Variants in SLC25A21 observed in about 807,000 individuals in gnomAD.
SLC25A21 encodes the protein solute carrier family 25 member 21.
SLC25A21 carries 47 observed loss-of-function variants against 43.8 expected under a neutral mutation model. The ratio of observed to expected loss-of-function variants is 1.07; its 90% CI spans 0.85 to 1.37. SLC25A21 has a LOEUF of 1.37. SLC25A21 is among the 40% of genes most tolerant of loss of function. The pLI is 0.00. For synonymous variants in SLC25A21, 131 were observed against 121.3 expected (o/e 1.08, Z -0.52); for missense variants, 352 against 350.2 (o/e 1.00, Z -0.04).
intron 2 of SLC25A21, among the ~76,000 whole-genome samples, chr14:36,846,710 T>C (rs1419391668): frequency 2.0e-5 from 3 of 152,204 alleles, no homozygotes; most frequent in African/African-American, 7.2e-5. Context: ...AATTTACATA[T>C]CTGTCCATCC....
Position 36,753,919 on chromosome 14 carries a change from C to CAGAGAGAGAGAGAGAGAGAGAGAGAG in SLC25A21, c.204-19372_204-19347dup, listed in dbSNP as rs56871881. ...CTTGAGATGGCTCTCTCACTGGGGA[C>CAGAGAGAGAGAGAGAGAGAGAGAGAG]AGAGAGAGAGAGAGAGAGAGAGAGA... On this transcript the variant is annotated intron_variant, in intron 3 of 9. Transcript: ENST00000331299. 6.2e-4 allele frequency among the ~76,000 whole-genome samples: 80 copies of CAGAGAGAGAGAGAGAGAGAGAGAGAG among 130,078 alleles called. 1 individual carries two copies. Among genetic ancestry groups the CAGAGAGAGAGAGAGAGAGAGAGAGAG allele is most frequent in the South Asian group, 2.1e-3 (7 of 3,372 alleles). 85.3% of individuals were successfully genotyped at this position (130,078 alleles called of 152,430 possible).
intron 1 of SLC25A21, among the ~76,000 whole-genome samples, chr14:37,119,717 C>A (rs975983868): frequency 7.2e-5 from 11 of 152,298 alleles, no homozygotes; most frequent in East Asian, 1.9e-4. Context: ...GCCCCAAATT[C>A]TTTCTTGTGT....
intron 2 of SLC25A21, among the ~76,000 whole-genome samples, chr14:36,873,162 C>T (rs78082478): frequency 0.017 from 2,630 of 152,202 alleles, 82 homozygotes; most frequent in African/African-American, 0.061. Flanking sequence ...AGAAGGTTAA[C>T]ATGGAATCTA....
chr14:36,841,091 G>A (rs1889370024), intron 2 of SLC25A21, among the ~76,000 whole-genome samples: 1 of 152,144 alleles, frequency 6.6e-6, no homozygotes, highest in Non-Finnish European at 1.5e-5. Context: ...AACCCAGATA[G>A]CCTTGAGTTT....
At chr14:36,771,319 C>A (rs989857069) in intron 3 of SLC25A21, among the ~76,000 whole-genome samples, 2 of 152,022 alleles carry the variant, frequency 1.3e-5, no homozygotes, top group African/African-American at 4.8e-5. Context: ...CTGATTTAAT[C>A]GTATTTTTGC....
chr14:36,901,367 C>G (rs1185413221), intron 1 of SLC25A21, among the ~76,000 whole-genome samples: 1 of 152,042 alleles, frequency 6.6e-6, no homozygotes, highest in African/African-American at 2.4e-5. Flanking sequence ...TTAGTAATCT[C>G]ATAGTCATAT....
intron 1 of SLC25A21, among the ~76,000 whole-genome samples, chr14:37,107,880 T>C (rs555684249): frequency 2.6e-5 from 4 of 152,264 alleles, no homozygotes; most frequent in African/African-American, 9.6e-5. Context: ...TGGGTCCTAG[T>C]AAAAATGACA....
intron 1 of SLC25A21, among the ~76,000 whole-genome samples, chr14:36,882,764 A>G (rs1440150050): frequency 1.3e-5 from 2 of 151,162 alleles, no homozygotes; most frequent in Non-Finnish European, 2.9e-5. Flanking sequence ...CCTGTTTGAC[A>G]TCTCTGCCTG....
chr14:36,703,450 G>A (rs542552641), intron 7 of SLC25A21, among the ~76,000 whole-genome samples: 1 of 152,186 alleles, frequency 6.6e-6, no homozygotes, highest in African/African-American at 2.4e-5. Flanking sequence ...ATGACCACAG[G>A]GACAGGTCTA....
intron 1 of SLC25A21, among the ~76,000 whole-genome samples, chr14:36,910,292 C>T (rs1891651432): frequency 1.3e-5 from 2 of 152,082 alleles, no homozygotes; most frequent in South Asian, 2.1e-4. Flanking sequence ...TATTACTTAG[C>T]GTCTATAAAG....
intron 1 of SLC25A21, among the ~76,000 whole-genome samples, chr14:37,062,788 G>C (rs1956423): frequency 0.22 from 32,991 of 152,016 alleles, 8,248 homozygotes; most frequent in African/African-American, 0.61. Context: ...TTGATAAGTG[G>C]GCTGGTGTAA....
chr14:36,683,896 A>G lies in SLC25A21; in HGVS notation c.786-16T>C. The G allele has an allele frequency of 6.3e-7, 1 of 1,595,524 alleles. No homozygotes were observed. The highest frequency in any genetic ancestry group is 8.6e-7 in the Non-Finnish European group (1 of 1,167,830). ...AGCTAAAATCCTGTAATGGGAAGGG[A>G]AAGAGAAACGTTCTTATTCTGAAAA... On this transcript the variant is annotated splice_polypyrimidine_tract_variant and intron_variant, in intron 8 of 9. Coordinates refer to ENST00000331299, the MANE Select transcript of SLC25A21 (RefSeq NM_030631.4).
At chr14:36,975,589 T>C (rs8003131) in intron 1 of SLC25A21, among the ~76,000 whole-genome samples, 70,115 of 152,088 alleles carry the variant, frequency 0.46, 17,815 homozygotes, top group African/African-American at 0.68. Context: ...ATAAATCCAA[T>C]GGTTAAAATG....
chr14:36,895,414 A>G (rs1220168080), intron 1 of SLC25A21, among the ~76,000 whole-genome samples: 4 of 152,028 alleles, frequency 2.6e-5, no homozygotes, highest in Non-Finnish European at 5.9e-5. Context: ...TATTGCATCT[A>G]TTTGATTCTT....
At chr14:36,697,646 T>A (rs1883087483) in intron 7 of SLC25A21, among the ~76,000 whole-genome samples, 1 of 152,160 alleles carries the variant, frequency 6.6e-6, no homozygotes, top group Non-Finnish European at 1.5e-5. Flanking sequence ...GTTGAATTGA[T>A]CCCTTTACCA....
chr14:36,701,796 A>T (rs1001377330), intron 7 of SLC25A21, among the ~76,000 whole-genome samples: 1 of 152,188 alleles, frequency 6.6e-6, no homozygotes, highest in Non-Finnish European at 1.5e-5. Context: ...GGAACCCAGC[A>T]GGATATTTCT....
chr14:36,681,823 T>A (rs184829223), intron 9 of SLC25A21, among the ~76,000 whole-genome samples: 6 of 152,274 alleles, frequency 3.9e-5, no homozygotes, highest in Admixed American at 6.5e-5. Context: ...TTTTAACCCA[T>A]GAAGATACTC....
At chr14:36,916,143 T>C (rs1891826054) in intron 1 of SLC25A21, among the ~76,000 whole-genome samples, 1 of 152,198 alleles carries the variant, frequency 6.6e-6, no homozygotes, top group African/African-American at 2.4e-5. Context: ...AAGCATTTCC[T>C]AGATTCTCAG....
intron 3 of SLC25A21, among the ~76,000 whole-genome samples, chr14:36,789,470 GTTATCACC>G (rs1887367269): frequency 6.6e-6 from 1 of 151,482 alleles, no homozygotes; most frequent in Admixed American, 6.6e-5. Context: ...CTTTCATTTC[GTTATCACC>G]TTTCTCTCCT....
Sources: allele counts gnomAD v4.1 joint callset (sites outside exome capture counted in the v4.1 genomes callset), GRCh38; gene constraint gnomAD v4.1.1; transcripts MANE v1.5; gene names NCBI Gene and HGNC (gene_info 2026-07-23, HGNC 2026-07-21).